PACRG: variants seen among roughly 807,000 people sequenced by gnomAD.
PACRG encodes parkin coregulated, also known as parkin coregulated gene protein.
In PACRG, 29 loss-of-function variants were observed where a neutral mutation model predicts 29.7. The ratio of observed to expected loss-of-function variants is 0.98; its 90% CI spans 0.73 to 1.33. The LOEUF (loss-of-function observed/expected upper bound fraction) is 1.33. Ranked by LOEUF, PACRG falls within the 40% of genes most tolerant of loss-of-function variation. PACRG has a pLI of 0.00. For synonymous variants in PACRG, 116 were observed against 118.7 expected, an observed-to-expected ratio of 0.98 and a Z score of 0.15; for missense variants, 279 against 316.2, an observed-to-expected ratio of 0.88 and a Z score of 0.89.
intron 2 of PACRG, among the ~76,000 whole-genome samples, chr6:162,976,921 G>T (rs1217371016): frequency 2.0e-5 from 3 of 152,024 alleles, no homozygotes; most frequent in African/African-American, 4.8e-5. Context: ...CAAAATGAAA[G>T]TGGTTTTCTT....
chr6:163,010,143 A>C (rs1210262960), intron 2 of PACRG, among the ~76,000 whole-genome samples: 2 of 150,924 alleles, frequency 1.3e-5, no homozygotes, highest in Non-Finnish European at 3.0e-5. Context: ...CATAAAGTAC[A>C]TTTGAAAACC....
chr6:163,119,209 G>T (rs1318401644), intron 4 of PACRG, among the ~76,000 whole-genome samples: 1 of 152,252 alleles, frequency 6.6e-6, no homozygotes, highest in East Asian at 1.9e-4. Context: ...CTGCTCTACA[G>T]CTAGACTCCT....
Position 162,913,851 on chromosome 6 carries a change from G to A in PACRG, c.291+99570G>A, listed in dbSNP as rs547891369. On this transcript the variant is annotated intron_variant, in intron 2 of 4. Coordinates refer to ENST00000366888, the MANE Select transcript of PACRG (RefSeq NM_001080379.2). ...ATGTGCTTCTATATCTTCTTTTTAT[G>A]TACTTTTTAGTGTGCTTATATATCT... is the stretch of plus-strand genomic sequence containing the variant. Among the ~76,000 whole-genome samples, 15 of 152,188 alleles carry A rather than the reference G, an allele frequency of 9.9e-5. No individual in the cohort carries two copies. The East Asian group carries it at 2.9e-3, about 29-fold the overall frequency.
intron 2 of PACRG, among the ~76,000 whole-genome samples, chr6:162,821,826 GTCTCT>G (rs1421788651): frequency 2.0e-5 from 3 of 152,106 alleles, no homozygotes; most frequent in African/African-American, 7.2e-5. Flanking sequence ...CTCGTCACAC[GTCTCT>G]TCTCTTTACT....
At chr6:163,110,101 A>G (rs1243355134) in intron 4 of PACRG, among the ~76,000 whole-genome samples, 1 of 152,210 alleles carries the variant, frequency 6.6e-6, no homozygotes, top group Non-Finnish European at 1.5e-5. Flanking sequence ...GGGAAAGAAG[A>G]GGTAGTTCAT....
intron 2 of PACRG, among the ~76,000 whole-genome samples, chr6:163,037,036 G>A (rs1036708431): frequency 6.6e-6 from 1 of 152,214 alleles, no homozygotes; most frequent in Non-Finnish European, 1.5e-5. Context: ...GTGTGTGCAT[G>A]CATGTGTGTA....
At chr6:163,126,752 T>C (rs78585587) in intron 4 of PACRG, among the ~76,000 whole-genome samples, 1,559 of 152,296 alleles carry the variant, frequency 0.01, 29 homozygotes, top group African/African-American at 0.036. Flanking sequence ...GAAAGCAAAA[T>C]GCCACAGACC....
intron 2 of PACRG, among the ~76,000 whole-genome samples, chr6:163,039,815 G>A (rs772834228): frequency 1.3e-5 from 2 of 152,142 alleles, no homozygotes; most frequent in Non-Finnish European, 2.9e-5. Context: ...ACAAAGAGAT[G>A]GTTTGATATT....
intron 4 of PACRG, among the ~76,000 whole-genome samples, chr6:163,176,345 A>G (rs996916385): frequency 6.6e-5 from 10 of 152,234 alleles, no homozygotes; most frequent in Non-Finnish European, 1.3e-4. Context: ...AAACATTCCT[A>G]TTCTTTCATA....
intron 1 of PACRG, among the ~76,000 whole-genome samples, chr6:162,774,090 T>C (rs1337084697): frequency 6.6e-6 from 1 of 152,234 alleles, no homozygotes; most frequent in African/African-American, 2.4e-5. Flanking sequence ...CCACATTACA[T>C]GCACGTGGTA....
intron 2 of PACRG, among the ~76,000 whole-genome samples, chr6:163,029,547 T>C (rs1441725623): frequency 6.6e-6 from 1 of 152,210 alleles, no homozygotes; most frequent in Non-Finnish European, 1.5e-5. Flanking sequence ...TTGCCAGCCA[T>C]GTGGATTGCA....
chr6:162,909,428 A>G (rs6908814), intron 2 of PACRG, among the ~76,000 whole-genome samples: 75,024 of 149,794 alleles, frequency 0.5, 22,211 homozygotes, highest in African/African-American at 0.85. Context: ...GGTGGAGGGC[A>G]CCTGTAGTCC....
intron 4 of PACRG, among the ~76,000 whole-genome samples, chr6:163,217,351 C>T (rs757266816): frequency 3.9e-5 from 6 of 152,266 alleles, no homozygotes; most frequent in African/African-American, 7.2e-5. Context: ...TAGGCATACG[C>T]CAGTCCCTGG....
chr6:163,044,841 C>G (rs1456457025), intron 2 of PACRG: 1 of 152,172 alleles, frequency 6.6e-6, no homozygotes, highest in East Asian at 1.9e-4. Context: ...ATGGATTTAT[C>G]CATTAAGGTT....
intron 1 of PACRG, among the ~76,000 whole-genome samples, chr6:162,747,452 A>ATATATAT (rs1562557120): frequency 1.6e-5 from 1 of 63,046 alleles, no homozygotes; most frequent in African/African-American, 6.9e-5. Flanking sequence ...ATATATATAT[A>ATATATAT]ACTATAAATA....
chr6:162,946,262 A>C (rs561603751), intron 2 of PACRG, among the ~76,000 whole-genome samples: 78 of 152,152 alleles, frequency 5.1e-4, no homozygotes, highest in Non-Finnish European at 8.5e-4. Context: ...CAAGGAAAAA[A>C]AAATGAAAAG....
At chr6:162,813,015 A>G (rs930539233) in intron 1 of PACRG, among the ~76,000 whole-genome samples, 10 of 152,048 alleles carry the variant, frequency 6.6e-5, no homozygotes, top group African/African-American at 1.9e-4. Context: ...TAATCATTGT[A>G]ATAAGGTATT....
chr6:162,756,257 C>G (rs1319363202), intron 1 of PACRG, among the ~76,000 whole-genome samples: 2 of 152,118 alleles, frequency 1.3e-5, no homozygotes, highest in African/African-American at 4.8e-5. Context: ...AGGTCCTCTA[C>G]TATTATAGTA....
chr6:163,110,685 A>T (rs1585227200), intron 4 of PACRG, among the ~76,000 whole-genome samples: 1 of 152,134 alleles, frequency 6.6e-6, no homozygotes, highest in Non-Finnish European at 1.5e-5. Context: ...GCACACCTTC[A>T]CCTTCCTCTA....
Sources: allele counts gnomAD v4.1 joint callset (sites outside exome capture counted in the v4.1 genomes callset), GRCh38; gene constraint gnomAD v4.1.1; transcripts MANE v1.5; gene names NCBI Gene and HGNC (gene_info 2026-07-23, HGNC 2026-07-21).